The following SEMA6D variants were observed in gnomAD, a reference collection of about 807,000 sequenced individuals.
SEMA6D encodes the protein semaphorin-6D.
SEMA6D carries 35 observed loss-of-function variants against 106.6 expected under a neutral mutation model. That is an observed-to-expected ratio of 0.33 (90% CI 0.25 to 0.44). The LOEUF (loss-of-function observed/expected upper bound fraction) is 0.44. SEMA6D is among the 20% of genes least tolerant of loss of function. The pLI, the probability that SEMA6D is intolerant of heterozygous loss-of-function variation, is 1.00. For synonymous variants in SEMA6D, 499 were observed against 487.7 expected (o/e 1.02, Z -0.31); for missense variants, 1,185 against 1,345.9 (o/e 0.88, Z 1.87).
chr15:47,744,226 A>G (rs546278514), intron 1 of SEMA6D, among the ~76,000 whole-genome samples: 3 of 152,298 alleles, frequency 2.0e-5, no homozygotes, highest in Non-Finnish European at 4.4e-5. Flanking sequence ...GTAGATAGAC[A>G]TATTTGCTTT....
intron 2 of SEMA6D, among the ~76,000 whole-genome samples, chr15:47,448,531 TC>T (rs746260299): frequency 3.0e-4 from 46 of 152,108 alleles, no homozygotes; most frequent in Non-Finnish European, 4.9e-4. Context: ...TTGTTGGAGC[TC>T]AGTAATATTT....
At position 47,764,786 on chromosome 15, in the gene SEMA6D, C is replaced by T. The variant is rs781519487; in HGVS notation, c.1246C>T (p.Arg416Trp). ...CGATGAGCCCTGGTTCACAAAGACTCGGGTCAGGTGAGATTGTGTGTGAAA... is the reference window on the plus strand; with the variant it reads ...CGATGAGCCCTGGTTCACAAAGACTTGGGTCAGGTGAGATTGTGTGTGAAA... Reference protein sequence around the residue: ...IADEPWFTKTRVRYRLTAISV... With the variant: ...IADEPWFTKTWVRYRLTAISV... The change falls in exon 12 of 19, where the codon CGG (arginine) becomes TGG (tryptophan). Residue 416 changes from arginine to tryptophan, a missense_variant. Arg to Trp is a moderately radical substitution (Grantham distance 101, BLOSUM62 -3). This residue lies in a region of SEMA6D where 291 missense variants were observed against 423.8 expected (regional missense o/e 0.69). Coordinates refer to ENST00000536845, the MANE Select transcript of SEMA6D (RefSeq NM_001358351.3). 13 of 1,613,770 alleles carry T rather than the reference C, an allele frequency of 8.1e-6. No homozygotes were observed. The highest frequency in any genetic ancestry group is 7.7e-5 in the South Asian group (7 of 91,082).
intron 3 of SEMA6D, among the ~76,000 whole-genome samples, chr15:47,515,054 A>G (rs1032478967): frequency 1.3e-4 from 20 of 152,228 alleles, no homozygotes. Flanking sequence ...TTCGCCTGGC[A>G]GCGTTCACAT....
intron 1 of SEMA6D, among the ~76,000 whole-genome samples, chr15:47,367,935 G>C (rs2039121098): frequency 6.7e-6 from 1 of 150,366 alleles, no homozygotes; most frequent in Non-Finnish European, 1.5e-5. Context: ...ACACTTCTGG[G>C]AGACCAAGGG....
chr15:47,227,447 TTTTC>T (rs1470973380), intron 1 of SEMA6D, among the ~76,000 whole-genome samples: 1 of 58,390 alleles, frequency 1.7e-5, no homozygotes, highest in Non-Finnish European at 3.4e-5. Flanking sequence ...CTTTTCTTTC[TTTTC>T]TTTCTTTTCT....
At chr15:47,731,673 T>G (rs514327) in intron 1 of SEMA6D, among the ~76,000 whole-genome samples, 44,207 of 152,104 alleles carry the variant, frequency 0.29, 7,942 homozygotes, top group Non-Finnish European at 0.4. Flanking sequence ...AATTATTACT[T>G]TACCCAGTTC....
chr15:47,700,866 G>C (rs562586891), intron 4 of SEMA6D, among the ~76,000 whole-genome samples: 1 of 152,282 alleles, frequency 6.6e-6, no homozygotes, highest in South Asian at 2.1e-4. Flanking sequence ...ATGGAGAAGA[G>C]ACAGCTATTT....
At chr15:47,687,593 C>G (rs146805708) in intron 4 of SEMA6D, among the ~76,000 whole-genome samples, 1 of 152,140 alleles carries the variant, frequency 6.6e-6, no homozygotes, top group African/African-American at 2.4e-5. Flanking sequence ...ATAAAAGCAA[C>G]GGAAGCCCAC....
chr15:47,704,108 T>C (rs1279162826), intron 4 of SEMA6D, among the ~76,000 whole-genome samples: 1 of 152,192 alleles, frequency 6.6e-6, no homozygotes, highest in Admixed American at 6.5e-5. Flanking sequence ...AGCTCTTCTA[T>C]GGCTTATTTT....
intron 1 of SEMA6D, among the ~76,000 whole-genome samples, chr15:47,726,770 CTG>C (rs1193560676): frequency 6.6e-6 from 1 of 152,218 alleles, no homozygotes; most frequent in African/African-American, 2.4e-5. Flanking sequence ...ATATCAGTGT[CTG>C]TTAAATAAAA....
intron 3 of SEMA6D, among the ~76,000 whole-genome samples, chr15:47,548,184 C>T (rs1181641440): frequency 2.0e-5 from 3 of 152,208 alleles, no homozygotes; most frequent in East Asian, 3.9e-4. Flanking sequence ...GAATCCCCAG[C>T]GATGGGCTAA....
At chr15:47,629,932 T>G (rs552795754) in intron 4 of SEMA6D, among the ~76,000 whole-genome samples, 1 of 152,186 alleles carries the variant, frequency 6.6e-6, no homozygotes, top group South Asian at 2.1e-4. Context: ...TACCACATTT[T>G]CTTTATCCAT....
At chr15:47,709,397 G>A (rs962917476) in intron 4 of SEMA6D, among the ~76,000 whole-genome samples, 5 of 152,078 alleles carry the variant, frequency 3.3e-5, no homozygotes, top group African/African-American at 9.7e-5. Flanking sequence ...ACCAAAGTCA[G>A]GTTTGCCATC....
chr15:47,353,835 G>A (rs955685), intron 1 of SEMA6D, among the ~76,000 whole-genome samples: 71,009 of 151,816 alleles, frequency 0.47, 19,706 homozygotes, highest in South Asian at 0.61. Context: ...TAAAACACTG[G>A]GTAAGGTTTT....
At chr15:47,727,970 G>T (rs2079872608) in intron 1 of SEMA6D, among the ~76,000 whole-genome samples, 1 of 152,254 alleles carries the variant, frequency 6.6e-6, no homozygotes, top group African/African-American at 2.4e-5. Flanking sequence ...CCAGCAGAAA[G>T]CTCCGCTGGC....
intron 2 of SEMA6D, among the ~76,000 whole-genome samples, chr15:47,431,346 C>T (rs1256172610): frequency 6.6e-6 from 1 of 152,058 alleles, no homozygotes; most frequent in Non-Finnish European, 1.5e-5. Flanking sequence ...CCTCAAAGCA[C>T]AATTTGAGCA....
At chr15:47,423,830 T>C (rs2041245983) in intron 2 of SEMA6D, among the ~76,000 whole-genome samples, 1 of 152,026 alleles carries the variant, frequency 6.6e-6, no homozygotes. Context: ...GGGGTTTGTC[T>C]AAAACCCACC....
At chr15:47,485,511 C>T (rs2043272148) in intron 3 of SEMA6D, among the ~76,000 whole-genome samples, 1 of 152,034 alleles carries the variant, frequency 6.6e-6, no homozygotes, top group Non-Finnish European at 1.5e-5. Flanking sequence ...GGTTTAATCG[C>T]AAATGAATAT....
At chr15:47,471,732 G>C (rs1163620193) in intron 3 of SEMA6D, among the ~76,000 whole-genome samples, 1 of 152,128 alleles carries the variant, frequency 6.6e-6, no homozygotes, top group Non-Finnish European at 1.5e-5. Context: ...TAGATTACAA[G>C]GTAGTCTGCT....
Sources: allele counts gnomAD v4.1 joint callset (sites outside exome capture counted in the v4.1 genomes callset), GRCh38; gene constraint gnomAD v4.1.1; regional missense constraint gnomAD v4.1.1; transcripts MANE v1.5; gene names NCBI Gene and HGNC (gene_info 2026-07-23, HGNC 2026-07-21).